Variants in PPP3CB observed in about 807,000 individuals in gnomAD.
PPP3CB encodes protein phosphatase 3 catalytic subunit beta.
PPP3CB carries 8 observed loss-of-function variants against 66.4 expected under a neutral mutation model. The observed-to-expected ratio is 0.12, with a 90% CI of 0.07 to 0.22. PPP3CB has a LOEUF of 0.22. Ranked by LOEUF, PPP3CB falls within the 10% of genes least tolerant of loss-of-function variation. PPP3CB has a pLI of 1.00. For synonymous variants in PPP3CB, 208 were observed against 221.2 expected, an observed-to-expected ratio of 0.94 and a Z score of 0.53; for missense variants, 319 against 642.5, an observed-to-expected ratio of 0.50 and a Z score of 5.44.
chr10:73,456,935 A>G (rs1299065583), intron 9 of PPP3CB, among the ~76,000 whole-genome samples: 1 of 152,194 alleles, frequency 6.6e-6, no homozygotes, highest in Non-Finnish European at 1.5e-5. Flanking sequence ...GCAAATCTAT[A>G]GAGACAGAAA....
chr10:73,449,985 A>AC (rs1173863235), intron 10 of PPP3CB, among the ~76,000 whole-genome samples: 1 of 151,998 alleles, frequency 6.6e-6, no homozygotes, highest in Non-Finnish European at 1.5e-5. Flanking sequence ...TTAAGTAAAG[A>AC]GGGGGTTTTG....
At chr10:73,477,650 C>T (rs936417148) in intron 3 of PPP3CB, among the ~76,000 whole-genome samples, 8 of 152,130 alleles carry the variant, frequency 5.3e-5, no homozygotes, top group African/African-American at 1.9e-4. Context: ...GGCAATGTGG[C>T]TCACATCTGT....
At chr10:73,476,844 G>C (rs907863765) in intron 3 of PPP3CB, among the ~76,000 whole-genome samples, 3 of 152,002 alleles carry the variant, frequency 2.0e-5, no homozygotes, top group Admixed American at 6.6e-5. Context: ...GGAGGAAGAA[G>C]AACTCAAAAT....
chr10:73,457,737 CA>C (rs200840556), intron 9 of PPP3CB, among the ~76,000 whole-genome samples: 6,902 of 87,696 alleles, frequency 0.079, 432 homozygotes, highest in African/African-American at 0.23. Flanking sequence ...GACCCTGTCT[CA>C]AAAAAAAAAA....
At chr10:73,453,561 C>G (rs573193504) in intron 10 of PPP3CB, among the ~76,000 whole-genome samples, 39 of 152,156 alleles carry the variant, frequency 2.6e-4, no homozygotes, top group African/African-American at 8.7e-4. Flanking sequence ...CCACATCTAG[C>G]CAAACATTAT....
Position 73,446,511 on chromosome 10 carries a change from T to C in PPP3CB, c.1249A>G (p.Arg417Gly). The C allele has an allele frequency of 6.2e-7, 1 of 1,612,416 alleles. No individual in the cohort carries two copies. Among genetic ancestry groups the C allele is most frequent in the Non-Finnish European group, 8.5e-7 (1 of 1,178,426 alleles). ...NKIRAIGKMA[R>G]VFSVLREESE... Reference sequence around the variant, plus strand: ...CATTACCTGAGAACAGAGAAGACTCTTGCCATCTTGCCAATTGCTCGAATT... The same window carrying C: ...CATTACCTGAGAACAGAGAAGACTCCTGCCATCTTGCCAATTGCTCGAATT... The change falls in exon 11 of 14, where the codon AGA (arginine) becomes GGA (glycine). Residue 417 changes from arginine to glycine, a missense_variant. Arg to Gly is a moderately radical substitution (Grantham distance 125). Transcript: ENST00000360663.
At position 73,437,564 on chromosome 10, in the gene PPP3CB, T is replaced by C. The variant is rs2056087799; in HGVS notation, c.*678A>G. Reference sequence around the variant, plus strand: ...GTTTTCTTCTTAAATCTCTGGGGTGTAAGTCTTAAAAGATCTGGGCAAAAA... The same window carrying C: ...GTTTTCTTCTTAAATCTCTGGGGTGCAAGTCTTAAAAGATCTGGGCAAAAA... On this transcript the variant is annotated 3_prime_UTR_variant, in exon 14 of 14. Transcript: ENST00000360663. 6.6e-6 allele frequency: 1 copy of C among 152,650 alleles called. No individual in the cohort carries two copies. The highest frequency in any genetic ancestry group is 2.1e-4 in the South Asian group (1 of 4,834). The allele number at this position is 152,650 out of a possible 1,614,324, so 9.5% of individuals were successfully genotyped here.
At chr10:73,494,958 A>C (rs1450388962) in intron 1 of PPP3CB, among the ~76,000 whole-genome samples, 3 of 152,260 alleles carry the variant, frequency 2.0e-5, no homozygotes, top group Non-Finnish European at 4.4e-5. Context: ...AGCAACTCTC[A>C]ATTAGCCCTC....
chr10:73,450,081 A>G (rs2056320970), intron 10 of PPP3CB, among the ~76,000 whole-genome samples: 1 of 152,144 alleles, frequency 6.6e-6, no homozygotes, highest in Admixed American at 6.5e-5. Flanking sequence ...TACAGGCCTG[A>G]GCCACCGCGC....
At chr10:73,457,169 C>A (rs1428217878) in intron 9 of PPP3CB, among the ~76,000 whole-genome samples, 1 of 146,702 alleles carries the variant, frequency 6.8e-6, no homozygotes, top group African/African-American at 2.5e-5. Flanking sequence ...GTAATCCCAG[C>A]TACCTGGGAG....
chr10:73,470,523 C>T (rs1349947060), intron 8 of PPP3CB, among the ~76,000 whole-genome samples, 164 bp downstream of exon 8: 1 of 152,130 alleles, frequency 6.6e-6, no homozygotes, highest in African/African-American at 2.4e-5. Flanking sequence ...CTTAGTTTCA[C>T]ATTTTGGATT....
chr10:73,446,108 C>CTTTT (rs770474339), intron 11 of PPP3CB, among the ~76,000 whole-genome samples: 1 of 138,160 alleles, frequency 7.2e-6, no homozygotes, highest in Non-Finnish European at 1.6e-5. Context: ...TTTTTTCTTT[C>CTTTT]TTTTTTTTTT....
At position 73,495,870 on chromosome 10, in the gene PPP3CB, GCCGGCTCC is replaced by G; in HGVS notation, c.12_19del (p.Glu5ProfsTer17). ...CGGGGGTGGGGGCGGTGCAGCCCGG[GCCGGCTCC>G]GGGGCGGCCATGCTGGGCCCGGGGC... On this transcript the variant is annotated frameshift_variant, in exon 1 of 14. Transcript: ENST00000360663. LOFTEE classifies it high-confidence loss of function. 1 of 1,374,108 alleles carries G rather than the reference GCCGGCTCC, an allele frequency of 7.3e-7. No homozygotes were observed. The highest frequency in any genetic ancestry group is 9.4e-7 in the Non-Finnish European group (1 of 1,065,800). The allele number at this position is 1,374,108 out of a possible 1,614,324, so 85.1% of individuals were successfully genotyped here. A position where few individuals can be genotyped will look rare whatever the true frequency, so the allele number is the denominator to read the frequency against.
chr10:73,476,640 G>T (rs2056793590), intron 3 of PPP3CB, among the ~76,000 whole-genome samples: 1 of 149,636 alleles, frequency 6.7e-6, no homozygotes, highest in Admixed American at 6.7e-5. Context: ...AAAAAAAAGA[G>T]TCAGCTGCAA....
At chr10:73,449,125 A>G (rs1256096810) in intron 10 of PPP3CB, among the ~76,000 whole-genome samples, 2 of 152,202 alleles carry the variant, frequency 1.3e-5, no homozygotes, top group East Asian at 3.8e-4. Flanking sequence ...ATGAAATACA[A>G]ACTTGTGTGG....
intron 9 of PPP3CB, chr10:73,467,190 C>T (rs1007506666): frequency 2.6e-5 from 4 of 153,042 alleles, no homozygotes; most frequent in African/African-American, 7.3e-5. Context: ...CCAAGAATTT[C>T]GGTGGAATGC....
intron 10 of PPP3CB, among the ~76,000 whole-genome samples, chr10:73,452,466 C>A (rs1216486178): frequency 1.3e-5 from 2 of 152,066 alleles, no homozygotes; most frequent in Admixed American, 1.3e-4. Context: ...GAGGCAGAGG[C>A]GGGCCGATCA....
At chr10:73,456,803 C>A (rs1023252908) in intron 9 of PPP3CB, among the ~76,000 whole-genome samples, 5 of 152,072 alleles carry the variant, frequency 3.3e-5, no homozygotes, top group Non-Finnish European at 7.4e-5. Flanking sequence ...AACAAAAACA[C>A]AAGCAACAAA....
At chr10:73,486,808 G>GA (rs1043289463) in intron 1 of PPP3CB, among the ~76,000 whole-genome samples, 10 of 151,932 alleles carry the variant, frequency 6.6e-5, no homozygotes, top group South Asian at 6.2e-4. Flanking sequence ...TCCACTAAGG[G>GA]AAAAAAAATG....
Sources: allele counts gnomAD v4.1 joint callset (sites outside exome capture counted in the v4.1 genomes callset), GRCh38; gene constraint gnomAD v4.1.1; transcripts MANE v1.5; gene names NCBI Gene and HGNC (gene_info 2026-07-23, HGNC 2026-07-21).